The following NBEAL1 variants were observed in gnomAD, a reference collection of about 807,000 sequenced individuals.
The protein encoded by NBEAL1 is neurobeachin-like protein 1.
A neutral mutation model predicts 351.3 loss-of-function variants in NBEAL1; 273 were observed. That is an observed-to-expected ratio of 0.78 (90% confidence interval 0.70 to 0.86). The LOEUF (loss-of-function observed/expected upper bound fraction) is 0.86. Ranked by LOEUF, NBEAL1 falls within the 40% of genes least tolerant of loss-of-function variation. The pLI, the probability that NBEAL1 is intolerant of heterozygous loss-of-function variation, is 0.00. For missense variants in NBEAL1, 2,961 were observed against 3,201.3 expected, an observed-to-expected ratio of 0.92 and a Z score of 1.81; for synonymous variants, 1,050 against 1,086.4, an observed-to-expected ratio of 0.97 and a Z score of 0.66.
At chr2:203,193,414 T>A (rs1385789027) in intron 46 of NBEAL1, among the ~76,000 whole-genome samples, 2 of 152,360 alleles carry the variant, frequency 1.3e-5, no homozygotes, top group East Asian at 3.9e-4. Context: ...TGAATAAGGC[T>A]TCTCTAGCTT....
rs2061628840 is a variant in NBEAL1 at position 203,068,394 on chromosome 2, C to CTTCTTT, written c.517_518insTTCTTT (p.Arg173delinsLeuLeuTer). On this transcript the variant is annotated stop_gained and protein_altering_variant and splice_region_variant, in exon 7 of 56. Coordinates refer to ENST00000683969, the MANE Select transcript of NBEAL1 (RefSeq NM_001378026.1). LOFTEE classifies it high-confidence loss of function. Reference sequence around the variant, plus strand: ...TTATTAACTTCTTTTTAATGATAGACGAATCCTTAGTACTGTGGAAAAGAG... The same window carrying CTTCTTT: ...TTATTAACTTCTTTTTAATGATAGACTTCTTTGAATCCTTAGTACTGTGGAAAAGAG... 1 of 1,502,588 alleles carries CTTCTTT rather than the reference C, an allele frequency of 6.7e-7. No homozygotes were observed. Among genetic ancestry groups the CTTCTTT allele is most frequent in the Non-Finnish European group, 9.0e-7 (1 of 1,116,694 alleles). The allele number at this position is 1,502,588 out of a possible 1,614,324, so 93.1% of individuals were successfully genotyped here.
chr2:203,094,620 G>T (rs376239825), intron 10 of NBEAL1, among the ~76,000 whole-genome samples: 1 of 152,072 alleles, frequency 6.6e-6, no homozygotes, highest in East Asian at 1.9e-4. Flanking sequence ...GTTGATTTCC[G>T]TAAGTATTTG....
Position 203,097,690 on chromosome 2 carries a change from T to G in NBEAL1, c.1185+57T>G, listed in dbSNP as rs1046939970. On this transcript the variant is annotated intron_variant, in intron 11 of 55. Transcript: ENST00000683969. ...GAAGTCCAAAATCAGCCAATGGGAA[T>G]AACTATTCCTGTGCTTTTCTTCTTA... is the stretch of plus-strand genomic sequence containing the variant. The G allele has an allele frequency of 3.5e-5, 19 of 538,490 alleles. No individual in the cohort carries two copies. The African/African-American group carries it at 3.7e-4, about 11-fold the overall frequency. The allele number at this position is 538,490 out of a possible 1,614,324, so 33.4% of individuals were successfully genotyped here.
At chr2:203,048,561 G>C (rs13008010) in intron 3 of NBEAL1, among the ~76,000 whole-genome samples, 2 of 152,018 alleles carry the variant, frequency 1.3e-5, no homozygotes, top group East Asian at 1.9e-4. Flanking sequence ...CATCTGCGTA[G>C]CCCACTTAAA....
intron 2 of NBEAL1, among the ~76,000 whole-genome samples, chr2:203,031,294 T>C (rs1454055030): frequency 6.6e-6 from 1 of 152,228 alleles, no homozygotes; most frequent in African/African-American, 2.4e-5. Context: ...AGCACTAAGC[T>C]TTTCGTCAGA....
At chr2:203,050,333 G>A (rs931587544) in intron 4 of NBEAL1, among the ~76,000 whole-genome samples, 20 of 152,138 alleles carry the variant, frequency 1.3e-4, no homozygotes, top group African/African-American at 3.9e-4. Context: ...AGTGATGTTT[G>A]TAGTTGATAT....
chr2:203,051,600 T>C (rs1315180706), intron 4 of NBEAL1, among the ~76,000 whole-genome samples: 1 of 151,958 alleles, frequency 6.6e-6, no homozygotes, highest in East Asian at 1.9e-4. Flanking sequence ...AGACATAAGT[T>C]GACCTCTGAT....
At chr2:203,122,800 T>A (rs1400365754) in intron 19 of NBEAL1, among the ~76,000 whole-genome samples, 3 of 152,224 alleles carry the variant, frequency 2.0e-5, no homozygotes, top group African/African-American at 4.8e-5. Flanking sequence ...TAGCACTTTA[T>A]TATTTCACTT....
chr2:203,133,445 A>G (rs1285837355), intron 27 of NBEAL1, among the ~76,000 whole-genome samples: 1 of 152,054 alleles, frequency 6.6e-6, no homozygotes, highest in Non-Finnish European at 1.5e-5. Flanking sequence ...ACCATTTCTA[A>G]TTAATATACC....
intron 46 of NBEAL1, chr2:203,191,332 A>ATTACAAGTATTGAGAATTTC: frequency 1.4e-6 from 1 of 693,232 alleles, no homozygotes; most frequent in Non-Finnish European, 2.5e-6. Context: ...AAAAAAAAAA[A>ATTACAAGTATTGAGAATTTC]AAAGAATCAA....
At chr2:203,175,044 T>C in intron 41 of NBEAL1, 103 bp from the exon 42 acceptor site, 1 of 1,019,000 alleles carries the variant, frequency 9.8e-7, no homozygotes, top group South Asian at 1.7e-5. Flanking sequence ...TGAAGAAGGA[T>C]GGACTTTTTA....
At chr2:203,160,613 CTCATAAT>C (rs1378037972) in intron 36 of NBEAL1, among the ~76,000 whole-genome samples, 1 of 151,842 alleles carries the variant, frequency 6.6e-6, no homozygotes, top group East Asian at 1.9e-4. Context: ...TTTTTGTTTT[CTCATAAT>C]TTTTGTAAAA....
intron 17 of NBEAL1, among the ~76,000 whole-genome samples, chr2:203,114,755 G>T (rs528306048): frequency 0.022 from 3,365 of 150,754 alleles, 96 homozygotes; most frequent in African/African-American, 0.067. Flanking sequence ...GTTTTTTTTT[G>T]TTTGTTTGTT....
At chr2:203,193,231 C>T (rs1026430068) in intron 46 of NBEAL1, among the ~76,000 whole-genome samples, 3 of 151,968 alleles carry the variant, frequency 2.0e-5, no homozygotes, top group Non-Finnish European at 4.4e-5. Flanking sequence ...CTCAGCCTCC[C>T]GAAGTGCTAG....
intron 36 of NBEAL1, among the ~76,000 whole-genome samples, chr2:203,158,309 A>G (rs1172331061): frequency 6.6e-6 from 1 of 152,196 alleles, no homozygotes; most frequent in Non-Finnish European, 1.5e-5. Context: ...TGCCTATATT[A>G]GGATTGAAAG....
At chr2:203,044,831 C>T (rs932101996) in intron 3 of NBEAL1, among the ~76,000 whole-genome samples, 3 of 152,080 alleles carry the variant, frequency 2.0e-5, no homozygotes. Context: ...ATGGCTTTTA[C>T]TAGAATATAA....
intron 7 of NBEAL1, among the ~76,000 whole-genome samples, 197 bp from the exon 8 acceptor site, chr2:203,077,555 G>A (rs60938556): frequency 0.035 from 5,353 of 152,150 alleles, 302 homozygotes; most frequent in African/African-American, 0.12. Flanking sequence ...GTGAGATGAC[G>A]TAAATACCTA....
At position 203,219,591 on chromosome 2, in the gene NBEAL1, C is replaced by T. The variant is rs932505777; in HGVS notation, c.*2237C>T. 2.6e-5 allele frequency: 4 copies of T among 152,124 alleles called. No individual in the cohort carries two copies. The highest frequency in any genetic ancestry group is 6.6e-5 in the Admixed American group (1 of 15,246). 9.4% of individuals were successfully genotyped at this position (152,124 alleles called of 1,614,324 possible). On this transcript the variant is annotated 3_prime_UTR_variant, in exon 56 of 56. Coordinates refer to ENST00000683969, the MANE Select transcript of NBEAL1 (RefSeq NM_001378026.1). ...AAAATGTGGGCCGGGTGTGGTGGCTCATGCCTGTAATCCCAGCACTTTGGG... is the reference window on the plus strand; with the variant it reads ...AAAATGTGGGCCGGGTGTGGTGGCTTATGCCTGTAATCCCAGCACTTTGGG...
intron 2 of NBEAL1, among the ~76,000 whole-genome samples, chr2:203,031,299 G>A (rs568907136): frequency 1.3e-5 from 2 of 152,212 alleles, no homozygotes; most frequent in East Asian, 1.9e-4. Context: ...TAAGCTTTTC[G>A]TCAGAAAACA....
Sources: allele counts gnomAD v4.1 joint callset (sites outside exome capture counted in the v4.1 genomes callset), GRCh38; gene constraint gnomAD v4.1.1; transcripts MANE v1.5; gene names NCBI Gene and HGNC (gene_info 2026-07-23, HGNC 2026-07-21).